The following CCDC85A variants were observed in gnomAD, a reference collection of about 807,000 sequenced individuals.
CCDC85A encodes coiled-coil domain-containing protein 85A.
CCDC85A carries 38 observed loss-of-function variants against 50.2 expected under a neutral mutation model. The ratio of observed to expected loss-of-function variants is 0.76; its 90% CI spans 0.58 to 0.99. The LOEUF is 0.99. CCDC85A is among the 50% of genes least tolerant of loss of function. CCDC85A has a pLI of 0.00. For missense variants in CCDC85A, 820 were observed against 742.0 expected (o/e 1.11, Z -1.22); for synonymous variants, 366 against 301.4 (o/e 1.21, Z -2.22).
Position 56,193,241 on chromosome 2 carries a change from C to T in CCDC85A, c.1041C>T (p.Ser347=), listed in dbSNP as rs1203518538. ...EHLQKHALGG[S]LEHLPRARGT... ...TTCAGAAACACGCTCTTGGGGGGAG[C>T]CTAGAGCATCTCCCCAGAGCCAGGG... The change falls in exon 2 of 6, where the codon AGC becomes AGT. Residue 347 remains serine (S), a synonymous_variant. Coordinates refer to ENST00000407595, the MANE Select transcript of CCDC85A (RefSeq NM_001080433.2). The T allele has an allele frequency of 1.2e-6, 2 of 1,613,190 alleles. No individual in the cohort carries two copies. Among genetic ancestry groups the T allele is most frequent in the Admixed American group, 1.7e-5 (1 of 59,970 alleles).
intron 2 of CCDC85A, among the ~76,000 whole-genome samples, chr2:56,259,863 A>G (rs942416701): frequency 6.6e-6 from 1 of 152,174 alleles, no homozygotes; most frequent in Non-Finnish European, 1.5e-5. Context: ...CTTTCTGGAC[A>G]CAGAATGCTA....
In CCDC85A at chr2:56,184,823, A is replaced by C; in HGVS notation, c.199A>C (p.Met67Leu). Reference protein sequence around the residue: ...RRAEAEKVSAMLDHSNLIREV... With the variant: ...RRAEAEKVSALLDHSNLIREV... Reference sequence around the variant, plus strand: ...CGCCGAGGCGGAGAAGGTGAGCGCGATGCTGGACCACAGCAACCTCATCCG... The same window carrying C: ...CGCCGAGGCGGAGAAGGTGAGCGCGCTGCTGGACCACAGCAACCTCATCCG... The change falls in exon 1 of 6, where the codon ATG (methionine) becomes CTG (leucine). Residue 67 changes from methionine (M) to leucine (L), a missense_variant. Transcript: ENST00000407595. The C allele has an allele frequency of 6.5e-7, 1 of 1,544,748 alleles. No homozygotes were observed. Among genetic ancestry groups the C allele is most frequent in the Non-Finnish European group, 8.7e-7 (1 of 1,145,766 alleles).
At chr2:56,321,210 A>G (rs1241031515) in intron 2 of CCDC85A, among the ~76,000 whole-genome samples, 1 of 152,164 alleles carries the variant, frequency 6.6e-6, no homozygotes, top group Non-Finnish European at 1.5e-5. Flanking sequence ...AACTGGAAGC[A>G]TTCCCTTTGA....
chr2:56,326,560 C>G (rs1390918001), intron 2 of CCDC85A, among the ~76,000 whole-genome samples: 3 of 152,030 alleles, frequency 2.0e-5, no homozygotes, highest in African/African-American at 4.8e-5. Flanking sequence ...TGAAGTGTTT[C>G]TAAAATTAAA....
intron 2 of CCDC85A, among the ~76,000 whole-genome samples, chr2:56,214,740 T>G (rs1436043034): frequency 6.6e-6 from 1 of 151,938 alleles, no homozygotes; most frequent in Admixed American, 6.6e-5. Context: ...GACATATGTG[T>G]TTGTTCTTTC....
chr2:56,381,962 C>G (rs1039482529), intron 5 of CCDC85A, among the ~76,000 whole-genome samples: 1 of 151,962 alleles, frequency 6.6e-6, no homozygotes, highest in Non-Finnish European at 1.5e-5. Flanking sequence ...GCTTGCCCCC[C>G]TTGTTTACCT....
intron 1 of CCDC85A, among the ~76,000 whole-genome samples, chr2:56,188,224 A>G (rs1326084085): frequency 6.6e-6 from 1 of 152,246 alleles, no homozygotes; most frequent in Admixed American, 6.5e-5. Context: ...CTGGATCACA[A>G]GGTTATTATC....
At chr2:56,232,009 T>A (rs1238795887) in intron 2 of CCDC85A, among the ~76,000 whole-genome samples, 2 of 152,118 alleles carry the variant, frequency 1.3e-5, no homozygotes, top group Admixed American at 1.3e-4. Flanking sequence ...GGTTGTTTGG[T>A]GTTACTCCTC....
At chr2:56,381,687 G>C (rs964063320) in intron 5 of CCDC85A, among the ~76,000 whole-genome samples, 1 of 152,052 alleles carries the variant, frequency 6.6e-6, no homozygotes, top group Admixed American at 6.6e-5. Flanking sequence ...TACAGAGGGG[G>C]CCATCTCCAT....
At chr2:56,265,579 T>C (rs1347974431) in intron 2 of CCDC85A, among the ~76,000 whole-genome samples, 1 of 152,158 alleles carries the variant, frequency 6.6e-6, no homozygotes, top group Non-Finnish European at 1.5e-5. Flanking sequence ...GAAATGCAAA[T>C]TAAAACCACA....
intron 2 of CCDC85A, among the ~76,000 whole-genome samples, chr2:56,198,918 G>C (rs1415483515): frequency 6.6e-6 from 1 of 152,164 alleles, no homozygotes; most frequent in African/African-American, 2.4e-5. Context: ...AATGTGTCTG[G>C]CATCCTGTCA....
At position 56,204,297 on chromosome 2, in the gene CCDC85A, A is replaced by C. The variant is rs560918492; in HGVS notation, c.1240+10857A>C. Among the ~76,000 whole-genome samples, 19 of 152,322 alleles carry C rather than the reference A, an allele frequency of 1.2e-4. 1 individual carries two copies. In the East Asian group the frequency reaches 3.7e-3, roughly 29 times the overall value. On this transcript the variant is annotated intron_variant, in intron 2 of 5. Transcript: ENST00000407595. ...GATAACATTGTATTCTTAAATGTCTATTCACTGTTTTGGAATAATAACGAC... is the reference window on the plus strand; with the variant it reads ...GATAACATTGTATTCTTAAATGTCTCTTCACTGTTTTGGAATAATAACGAC...
chr2:56,234,733 T>C (rs2103947544), intron 2 of CCDC85A, among the ~76,000 whole-genome samples: 1 of 152,276 alleles, frequency 6.6e-6, no homozygotes, highest in African/African-American at 2.4e-5. Context: ...CAGAATCGAT[T>C]TAGTTGTCCT....
At chr2:56,216,665 T>C (rs1167801176) in intron 2 of CCDC85A, among the ~76,000 whole-genome samples, 1 of 151,640 alleles carries the variant, frequency 6.6e-6, no homozygotes, top group Non-Finnish European at 1.5e-5. Flanking sequence ...CCTTCTAATA[T>C]GTTTTTCATT....
chr2:56,268,869 A>C (rs1159370216), intron 2 of CCDC85A, among the ~76,000 whole-genome samples: 10 of 152,240 alleles, frequency 6.6e-5, no homozygotes, highest in Admixed American at 3.3e-4. Flanking sequence ...TCCCTTTGAC[A>C]ATTTGAGCTT....
rs187219756 is a variant in CCDC85A, at chr2:56,233,618, A to T, written c.1240+40178A>T. On this transcript the variant is annotated intron_variant, in intron 2 of 5. Transcript: ENST00000407595. Reference sequence around the variant, plus strand: ...TTACATCATAAAATACTAAAAAAAAATTAACCATTCTTAGCCTGTGGGCTG... The same window carrying T: ...TTACATCATAAAATACTAAAAAAAATTTAACCATTCTTAGCCTGTGGGCTG... 3.9e-3 allele frequency among the ~76,000 whole-genome samples: 592 copies of T among 152,354 alleles called. 6 individuals carry two copies. The highest frequency in any genetic ancestry group is 0.014 in the African/African-American group (566 of 41,590).
intron 2 of CCDC85A, among the ~76,000 whole-genome samples, chr2:56,204,657 G>A (rs1676888075): frequency 6.6e-6 from 1 of 152,196 alleles, no homozygotes; most frequent in African/African-American, 2.4e-5. Context: ...TCCTCCAGGA[G>A]TTGTGCATCT....
rs186676076 is a variant in CCDC85A, at chr2:56,322,586, A to G, written c.1241-20293A>G. On this transcript the variant is annotated intron_variant, in intron 2 of 5. Transcript: ENST00000407595. ...CATCAGAGAAATGCAAACCAAAACC[A>G]CAATGAGATACCATCTCACACCAGT... Among the ~76,000 whole-genome samples, 1,347 of 152,302 alleles carry G rather than the reference A, an allele frequency of 8.8e-3. 17 individuals carry two copies. The highest frequency in any genetic ancestry group is 0.03 in the African/African-American group (1,265 of 41,570).
chr2:56,200,542 C>T (rs1296318360), intron 2 of CCDC85A, among the ~76,000 whole-genome samples: 1 of 152,164 alleles, frequency 6.6e-6, no homozygotes, highest in African/African-American at 2.4e-5. Context: ...CTGCTCCTGA[C>T]ATAAATTGCT....
Sources: gnomAD v4.1 joint callset for allele counts (sites outside exome capture counted in the v4.1 genomes callset) on GRCh38, gnomAD v4.1.1 for gene constraint, MANE v1.5 for transcripts, NCBI Gene and HGNC (gene_info 2026-07-23, HGNC 2026-07-21) for gene names.